The following NKAIN2 variants were observed in gnomAD, a reference collection of about 807,000 sequenced individuals.
NKAIN2 encodes sodium/potassium-transporting ATPase subunit beta-1-interacting protein 2.
NKAIN2 carries 14 observed loss-of-function variants against 32.6 expected under a neutral mutation model. That is an observed-to-expected ratio of 0.43 (90% CI 0.28 to 0.67). The LOEUF is 0.67. Among genes scored for constraint, NKAIN2 ranks in the 30% least tolerant of loss-of-function variants. The pLI, the probability that NKAIN2 is intolerant of heterozygous loss-of-function variation, is 0.17. For missense variants in NKAIN2, 198 were observed against 258.3 expected, an observed-to-expected ratio of 0.77 and a Z score of 1.60; for synonymous variants, 80 against 87.2, an observed-to-expected ratio of 0.92 and a Z score of 0.46.
intron 1 of NKAIN2, among the ~76,000 whole-genome samples, chr6:124,261,570 G>A (rs1414436360): frequency 6.6e-6 from 1 of 152,098 alleles, no homozygotes; most frequent in African/African-American, 2.4e-5. Flanking sequence ...AGGTTTAAAT[G>A]GCAATTTGAG....
At chr6:124,229,326 C>A (rs1792301332) in intron 1 of NKAIN2, among the ~76,000 whole-genome samples, 1 of 152,086 alleles carries the variant, frequency 6.6e-6, no homozygotes, top group South Asian at 2.1e-4. Flanking sequence ...ATTCACTTGA[C>A]CTAGCCATGA....
At chr6:124,348,540 G>A (rs1318324088) in intron 2 of NKAIN2, among the ~76,000 whole-genome samples, 6 of 152,222 alleles carry the variant, frequency 3.9e-5, no homozygotes, top group South Asian at 2.1e-4. Context: ...GGGCAATGGC[G>A]GGTGCCCCTC....
chr6:124,474,068 G>A (rs1777084942), intron 3 of NKAIN2, among the ~76,000 whole-genome samples: 1 of 151,406 alleles, frequency 6.6e-6, no homozygotes, highest in South Asian at 2.1e-4. Flanking sequence ...AAAGCACAAT[G>A]TCAGTAAATA....
At chr6:124,065,213 T>TACACACAC (rs144681461) in intron 1 of NKAIN2, among the ~76,000 whole-genome samples, 32 of 147,912 alleles carry the variant, frequency 2.2e-4, no homozygotes, top group African/African-American at 7.7e-4. Context: ...ATCAGAAAAT[T>TACACACAC]ACACACACAC....
chr6:123,843,508 G>C (rs1299283438), intron 1 of NKAIN2, among the ~76,000 whole-genome samples: 1 of 152,124 alleles, frequency 6.6e-6, no homozygotes, highest in East Asian at 1.9e-4. Flanking sequence ...ACAGGGCAAG[G>C]TGTGTGGAGG....
At chr6:124,153,466 C>A (rs998821486) in intron 1 of NKAIN2, among the ~76,000 whole-genome samples, 3 of 151,596 alleles carry the variant, frequency 2.0e-5, no homozygotes, top group Non-Finnish European at 4.4e-5. Context: ...GGATAATTAA[C>A]TTTTAACATT....
intron 1 of NKAIN2, among the ~76,000 whole-genome samples, chr6:123,897,390 GCTGGTTTA>G: frequency 6.6e-6 from 1 of 152,172 alleles, no homozygotes. Context: ...TCCTTCACCT[GCTGGTTTA>G]CCACACTATT....
intron 1 of NKAIN2, among the ~76,000 whole-genome samples, chr6:123,836,606 T>A (rs758273872): frequency 1.3e-5 from 2 of 151,198 alleles, no homozygotes; most frequent in Non-Finnish European, 3.0e-5. Context: ...AAATGGTGAC[T>A]AAATGAAATA....
At chr6:123,847,065 A>T (rs1775124787) in intron 1 of NKAIN2, among the ~76,000 whole-genome samples, 1 of 152,230 alleles carries the variant, frequency 6.6e-6, no homozygotes, top group Admixed American at 6.5e-5. Context: ...TGAAAGGCTA[A>T]TAAATTCTAA....
chr6:124,502,719 C>A (rs1778340435), intron 3 of NKAIN2, among the ~76,000 whole-genome samples: 1 of 151,830 alleles, frequency 6.6e-6, no homozygotes, highest in South Asian at 2.1e-4. Context: ...TTTTCTATTT[C>A]TTTATTAATC....
chr6:124,732,963 C>T (rs1439309405), intron 4 of NKAIN2, among the ~76,000 whole-genome samples: 1 of 151,808 alleles, frequency 6.6e-6, no homozygotes, highest in East Asian at 1.9e-4. Context: ...AACCGTGATA[C>T]ATCCATAAAA....
chr6:123,976,371 CCATA>C (rs1447152678), intron 1 of NKAIN2, among the ~76,000 whole-genome samples: 1 of 5,452 alleles, frequency 1.8e-4, no homozygotes, highest in Non-Finnish European at 5.1e-4. Flanking sequence ...ATATATATTC[CCATA>C]TATATATATA....
intron 1 of NKAIN2, among the ~76,000 whole-genome samples, chr6:124,104,300 G>A (rs1370282683): frequency 6.6e-6 from 1 of 152,054 alleles, no homozygotes. Context: ...CTCTGATATG[G>A]CCATGTCATG....
At chr6:124,787,710 G>C (rs767649816) in intron 4 of NKAIN2, among the ~76,000 whole-genome samples, 2 of 152,160 alleles carry the variant, frequency 1.3e-5, no homozygotes, top group East Asian at 1.9e-4. Flanking sequence ...TACTTTTGTA[G>C]GGGGTGCTCC....
intron 1 of NKAIN2, among the ~76,000 whole-genome samples, chr6:124,102,063 C>T (rs561583802): frequency 6.6e-6 from 1 of 152,292 alleles, no homozygotes; most frequent in Middle Eastern, 3.4e-3. Flanking sequence ...GGTACCAGAT[C>T]GAACTTCAAG....
At chr6:124,417,545 G>T (rs766210171) in intron 3 of NKAIN2, among the ~76,000 whole-genome samples, 2 of 151,334 alleles carry the variant, frequency 1.3e-5, no homozygotes, top group Non-Finnish European at 3.0e-5. Context: ...TTTTTACTTT[G>T]GTTCTAAATA....
intron 2 of NKAIN2, among the ~76,000 whole-genome samples, chr6:124,300,301 CTT>C (rs1796241913): frequency 6.6e-6 from 1 of 152,144 alleles, no homozygotes; most frequent in Non-Finnish European, 1.5e-5. Flanking sequence ...CAAGCTGTCT[CTT>C]TGCCTGCTGC....
At chr6:124,073,111 A>G (rs1783534997) in intron 1 of NKAIN2, among the ~76,000 whole-genome samples, 1 of 152,212 alleles carries the variant, frequency 6.6e-6, no homozygotes, top group Admixed American at 6.6e-5. Flanking sequence ...TTTCTACAAA[A>G]GTTCAGTGAT....
chr6:124,056,766 C>T lies in NKAIN2; in HGVS notation c.55-226239C>T, dbSNP rs148850023. On this transcript the variant is annotated intron_variant, in intron 1 of 6. Coordinates refer to ENST00000368417, the MANE Select transcript of NKAIN2 (RefSeq NM_001040214.3). Reference sequence around the variant, plus strand: ...TACATACTGAGTTATCAATAATCATCTTCATGCCTCTCAAACGGTCGCACA... The same window carrying T: ...TACATACTGAGTTATCAATAATCATTTTCATGCCTCTCAAACGGTCGCACA... 3.9e-4 allele frequency among the ~76,000 whole-genome samples: 60 copies of T among 152,020 alleles called. No individual in the cohort carries two copies. In the East Asian group the frequency reaches 0.012, roughly 29 times the overall value.
Sources: allele counts gnomAD v4.1 joint callset (sites outside exome capture counted in the v4.1 genomes callset), GRCh38; gene constraint gnomAD v4.1.1; transcripts MANE v1.5; gene names NCBI Gene and HGNC (gene_info 2026-07-23, HGNC 2026-07-21).